The following PRR16 variants were observed in gnomAD, a reference collection of about 807,000 sequenced individuals.
The protein encoded by PRR16 is protein Largen.
In PRR16, 6 loss-of-function variants were observed where a neutral mutation model predicts 18.2. The observed-to-expected ratio is 0.33, with a 90% CI of 0.18 to 0.65. PRR16 has a LOEUF of 0.65. Among genes scored for constraint, PRR16 ranks in the 30% least tolerant of loss-of-function variants. The pLI is 0.74. For synonymous variants in PRR16, 151 were observed against 147.8 expected (o/e 1.02, Z -0.16); for missense variants, 412 against 376.6 (o/e 1.09, Z -0.78).
chr5:120,634,085 G>T (rs182803271), intron 1 of PRR16, among the ~76,000 whole-genome samples: 20 of 152,240 alleles, frequency 1.3e-4, no homozygotes, highest in Admixed American at 1.1e-3. Flanking sequence ...TACTCTCTCA[G>T]ATCACGGTGA....
chr5:120,602,549 C>T (rs1754017803), intron 1 of PRR16, among the ~76,000 whole-genome samples: 1 of 151,970 alleles, frequency 6.6e-6, no homozygotes, highest in Non-Finnish European at 1.5e-5. Flanking sequence ...ATTTGAAAGC[C>T]ATTTATTTCT....
At chr5:120,676,589 AAAAG>A (rs1340185902) in intron 1 of PRR16, among the ~76,000 whole-genome samples, 1 of 151,920 alleles carries the variant, frequency 6.6e-6, no homozygotes, top group African/African-American at 2.4e-5. Flanking sequence ...TATCAAGGAA[AAAAG>A]AAAGAGTTAA....
the PRR16 span, among the ~76,000 whole-genome samples, chr5:120,716,489 C>T: frequency 2.0e-5 from 3 of 152,122 alleles, no homozygotes; most frequent in Non-Finnish European, 4.4e-5. Context: ...ACTGTATCAC[C>T]AGCCCTAGCC....
chr5:120,644,806 A>G (rs1426123520), intron 1 of PRR16, among the ~76,000 whole-genome samples: 1 of 152,164 alleles, frequency 6.6e-6, no homozygotes, highest in African/African-American at 2.4e-5. Context: ...ATGGTGAAAC[A>G]GTGTTGCTGG....
intron 1 of PRR16, among the ~76,000 whole-genome samples, chr5:120,603,417 C>T (rs2112793549): frequency 6.6e-6 from 1 of 152,012 alleles, no homozygotes. Context: ...GTCACCTTTG[C>T]CATTTCTGAT....
At chr5:120,533,756 C>A (rs775291268) in intron 1 of PRR16, among the ~76,000 whole-genome samples, 4 of 152,154 alleles carry the variant, frequency 2.6e-5, no homozygotes, top group Non-Finnish European at 1.5e-5. Flanking sequence ...CTGGCTGTTG[C>A]AATCCTTGCA....
chr5:120,552,643 A>G (rs1275585475), intron 1 of PRR16, among the ~76,000 whole-genome samples: 2 of 151,964 alleles, frequency 1.3e-5, no homozygotes, highest in Admixed American at 6.6e-5. Context: ...AGTATTTTTC[A>G]TATATAAACT....
At chr5:120,709,392 G>A in the PRR16 span, among the ~76,000 whole-genome samples, 5 of 151,844 alleles carry the variant, frequency 3.3e-5, no homozygotes, top group Non-Finnish European at 4.4e-5. Flanking sequence ...TATTTATGGG[G>A]TACATGTGAC....
At chr5:120,637,447 A>G (rs1160624594) in intron 1 of PRR16, among the ~76,000 whole-genome samples, 1 of 151,802 alleles carries the variant, frequency 6.6e-6, no homozygotes, top group African/African-American at 2.4e-5. Flanking sequence ...TATGGTATGT[A>G]TGTATCATGG....
chr5:120,682,434 A>G (rs919821924), intron 1 of PRR16, among the ~76,000 whole-genome samples: 10 of 151,994 alleles, frequency 6.6e-5, no homozygotes, highest in Non-Finnish European at 1.2e-4. Context: ...TTTGTTTTTT[A>G]TTCTCTTGGA....
the PRR16 span, among the ~76,000 whole-genome samples, chr5:120,712,411 T>G: frequency 6.6e-6 from 1 of 152,172 alleles, no homozygotes; most frequent in African/African-American, 2.4e-5. Flanking sequence ...TTGTACTGTT[T>G]CTATGTATTT....
At chr5:120,791,064 C>A in the PRR16 span, among the ~76,000 whole-genome samples, 3 of 152,008 alleles carry the variant, frequency 2.0e-5, no homozygotes, top group East Asian at 5.8e-4. Flanking sequence ...TATTTGTTCT[C>A]TTAATTAAAA....
intron 1 of PRR16, among the ~76,000 whole-genome samples, chr5:120,503,393 T>C (rs926936778): frequency 2.1e-4 from 32 of 152,060 alleles, no homozygotes; most frequent in Admixed American, 1.0e-3. Flanking sequence ...CTAAGAAAAA[T>C]TAGTTTGTTG....
intron 1 of PRR16, among the ~76,000 whole-genome samples, chr5:120,673,957 GAAAAA>G (rs5870917): frequency 2.1e-5 from 3 of 145,920 alleles, no homozygotes; most frequent in Non-Finnish European, 3.0e-5. Context: ...CTTTCTCAAA[GAAAAA>G]AAAAAAACCT....
chr5:120,618,144 A>G (rs1462063237), intron 1 of PRR16, among the ~76,000 whole-genome samples: 1 of 152,136 alleles, frequency 6.6e-6, no homozygotes, highest in African/African-American at 2.4e-5. Flanking sequence ...TTAGTCAACT[A>G]TTGGATTTTA....
the PRR16 span, among the ~76,000 whole-genome samples, chr5:120,786,559 A>G: frequency 6.7e-6 from 1 of 148,978 alleles, no homozygotes; most frequent in Non-Finnish European, 1.5e-5. Flanking sequence ...AGTATCATAT[A>G]TTTTATAAAA....
the PRR16 span, among the ~76,000 whole-genome samples, chr5:120,707,039 A>G: frequency 6.6e-6 from 1 of 152,202 alleles, no homozygotes; most frequent in East Asian, 1.9e-4. Flanking sequence ...CCTAGGTTGT[A>G]AAACTGGAAA....
intron 1 of PRR16, among the ~76,000 whole-genome samples, chr5:120,508,061 CT>C (rs2112852787): frequency 1.3e-5 from 2 of 152,212 alleles, no homozygotes; most frequent in South Asian, 4.1e-4. Context: ...TGCAGTCAGA[CT>C]GGTGGTGCCT....
At chr5:120,580,405 A>C (rs182237148) in intron 1 of PRR16, among the ~76,000 whole-genome samples, 1 of 151,650 alleles carries the variant, frequency 6.6e-6, no homozygotes, top group Admixed American at 6.6e-5. Context: ...GATATATTCC[A>C]TCAATACCTA....
Sources: gnomAD v4.1 joint callset for allele counts (sites outside exome capture counted in the v4.1 genomes callset) on GRCh38, gnomAD v4.1.1 for gene constraint, MANE v1.5 for transcripts, NCBI Gene and HGNC (gene_info 2026-07-23, HGNC 2026-07-21) for gene names.